PDE7B: variants seen among roughly 807,000 people sequenced by gnomAD.
PDE7B encodes 3',5'-cyclic-AMP phosphodiesterase 7B.
In PDE7B, 29 loss-of-function variants were observed where a neutral mutation model predicts 56.2. That is an observed-to-expected ratio of 0.52 (90% CI 0.38 to 0.70). The LOEUF (loss-of-function observed/expected upper bound fraction) is 0.70, where lower values mean the gene tolerates loss of function less well. Among genes scored for constraint, PDE7B ranks in the 30% least tolerant of loss-of-function variants. The pLI, the probability that PDE7B is intolerant of heterozygous loss-of-function variation, is 0.00. For missense variants in PDE7B, 490 were observed against 565.0 expected (o/e 0.87, Z 1.35); for synonymous variants, 197 against 196.9 (o/e 1.00, Z 0.00).
At chr6:136,175,473 G>A (rs1218894993) in intron 9 of PDE7B, among the ~76,000 whole-genome samples, 1 of 152,144 alleles carries the variant, frequency 6.6e-6, no homozygotes, top group Non-Finnish European at 1.5e-5. Flanking sequence ...ATATGAAAGA[G>A]AAAACTGAAA....
chr6:136,051,373 C>T (rs367769064), intron 2 of PDE7B, among the ~76,000 whole-genome samples: 7 of 152,312 alleles, frequency 4.6e-5, no homozygotes, highest in South Asian at 2.1e-4. Flanking sequence ...GATAAGCAAT[C>T]GCGAGCATCC....
chr6:136,086,228 A>G (rs756305715), intron 2 of PDE7B, among the ~76,000 whole-genome samples: 1 of 152,202 alleles, frequency 6.6e-6, no homozygotes, highest in African/African-American at 2.4e-5. Context: ...TCTAGTACTC[A>G]GTGTCATCCT....
chr6:136,082,935 C>G (rs545810274), intron 2 of PDE7B, among the ~76,000 whole-genome samples: 39 of 152,214 alleles, frequency 2.6e-4, no homozygotes, highest in Non-Finnish European at 4.7e-4. Flanking sequence ...CTCTTTTGAC[C>G]AGGAAAAGGA....
At chr6:135,972,417 T>C (rs1775110357) in intron 2 of PDE7B, among the ~76,000 whole-genome samples, 1 of 152,006 alleles carries the variant, frequency 6.6e-6, no homozygotes, top group East Asian at 1.9e-4. Context: ...ATTTTAATTA[T>C]AACCATACTT....
chr6:136,030,015 T>A (rs775156844), intron 2 of PDE7B, among the ~76,000 whole-genome samples: 3 of 152,348 alleles, frequency 2.0e-5, no homozygotes, highest in Non-Finnish European at 2.9e-5. Flanking sequence ...CCAGAAATAA[T>A]AAAACACTCT....
At chr6:136,142,180 A>G (rs573830004) in intron 3 of PDE7B, among the ~76,000 whole-genome samples, 1 of 152,306 alleles carries the variant, frequency 6.6e-6, no homozygotes, top group African/African-American at 2.4e-5. Flanking sequence ...GTTTCAAAGA[A>G]CATCTTTATT....
chr6:135,954,096 C>T (rs1442719352), intron 2 of PDE7B, among the ~76,000 whole-genome samples: 1 of 152,148 alleles, frequency 6.6e-6, no homozygotes, highest in Non-Finnish European at 1.5e-5. Context: ...CACCCAAGGC[C>T]CTGTCTTGTT....
chr6:135,885,920 C>A lies in PDE7B; in HGVS notation c.21+33901C>A, dbSNP rs182836815. On this transcript the variant is annotated intron_variant, in intron 1 of 12. Coordinates refer to ENST00000308191, the MANE Select transcript of PDE7B (RefSeq NM_018945.4). Reference sequence around the variant, plus strand: ...TCCTGTTAATTCACAGGCATGCAGGCACATTTTGATCATGTGTAAAAACTT... The same window carrying A: ...TCCTGTTAATTCACAGGCATGCAGGAACATTTTGATCATGTGTAAAAACTT... Among the ~76,000 whole-genome samples, 479 of 152,290 alleles carry A rather than the reference C, an allele frequency of 3.1e-3. 3 individuals are homozygous for A. Among genetic ancestry groups the A allele is most frequent in the South Asian group, 0.022 (106 of 4,826 alleles).
intron 2 of PDE7B, among the ~76,000 whole-genome samples, chr6:136,040,413 T>C (rs938313923): frequency 2.0e-5 from 3 of 152,188 alleles, no homozygotes; most frequent in Non-Finnish European, 2.9e-5. Context: ...ACCCCAAAGA[T>C]GAGTGGCTTC....
At chr6:135,962,055 G>T (rs1239141717) in intron 2 of PDE7B, among the ~76,000 whole-genome samples, 1 of 152,130 alleles carries the variant, frequency 6.6e-6, no homozygotes, top group Non-Finnish European at 1.5e-5. Flanking sequence ...TCTGATGGGG[G>T]AGGTTGACAA....
At chr6:136,058,191 T>C (rs145258149) in intron 2 of PDE7B, among the ~76,000 whole-genome samples, 83 of 152,288 alleles carry the variant, frequency 5.5e-4, no homozygotes, top group Middle Eastern at 3.4e-3. Flanking sequence ...TCAGGGGTTT[T>C]GTAAAGAGAT....
In PDE7B at chr6:135,851,810, G is replaced by C. The variant is rs1001158743; in HGVS notation, c.-189G>C. ...TCTCTTTCTACCTTCCTTCTTTCTC[G>C]ATCTCCTTGTGTGCTTTTGTGTTTC... On this transcript the variant is annotated 5_prime_UTR_variant, in exon 1 of 13. Coordinates refer to ENST00000308191, the MANE Select transcript of PDE7B (RefSeq NM_018945.4). The C allele has an allele frequency of 2.1e-5, 12 of 565,380 alleles. No homozygotes were observed. The highest frequency in any genetic ancestry group is 2.1e-4 in the African/African-American group (11 of 52,616). The allele number at this position is 565,380 out of a possible 1,614,324, so 35.0% of individuals were successfully genotyped here.
chr6:135,972,233 C>CAAAAAAAAAAAAA, intron 2 of PDE7B, among the ~76,000 whole-genome samples: 1 of 65,170 alleles, frequency 1.5e-5, no homozygotes, highest in Non-Finnish European at 2.7e-5. Flanking sequence ...AAACTGTTCT[C>CAAAAAAAAAAAAA]AAAAAAAAAA....
intron 1 of PDE7B, among the ~76,000 whole-genome samples, chr6:135,858,859 T>A (rs751898537): frequency 6.6e-6 from 1 of 152,206 alleles, no homozygotes; most frequent in African/African-American, 2.4e-5. Context: ...TAACTATACA[T>A]GCAAAATTAG....
At chr6:135,852,064 A>T (rs1349835793) in intron 1 of PDE7B, 45 bp downstream of exon 1, 1 of 1,369,530 alleles carries the variant, frequency 7.3e-7, no homozygotes, top group Non-Finnish European at 1.0e-6. Flanking sequence ...TTCTTGAGAG[A>T]ATAGAGTCAC....
At chr6:135,870,970 G>A (rs543304617) in intron 1 of PDE7B, among the ~76,000 whole-genome samples, 5 of 152,014 alleles carry the variant, frequency 3.3e-5, no homozygotes, top group Admixed American at 6.6e-5. Flanking sequence ...AGCCCTGCCC[G>A]AAGAGCTCAT....
intron 2 of PDE7B, among the ~76,000 whole-genome samples, chr6:135,948,302 T>G (rs1774626133): frequency 6.6e-6 from 1 of 151,996 alleles, no homozygotes. Flanking sequence ...AAGTAAACAG[T>G]AGCATGGATA....
chr6:135,913,462 C>T (rs1243270648), intron 1 of PDE7B, among the ~76,000 whole-genome samples: 1 of 152,076 alleles, frequency 6.6e-6, no homozygotes, highest in Non-Finnish European at 1.5e-5. Context: ...ATCCAGCGTC[C>T]ACTACTGCGG....
chr6:136,156,277 AT>A (rs1778603750), intron 8 of PDE7B, among the ~76,000 whole-genome samples: 1 of 151,554 alleles, frequency 6.6e-6, no homozygotes, highest in South Asian at 2.1e-4. Context: ...GCAGCCTGGA[AT>A]TCCTGAGCTC....
Sources: gnomAD v4.1 joint callset for allele counts (sites outside exome capture counted in the v4.1 genomes callset) on GRCh38, gnomAD v4.1.1 for gene constraint, MANE v1.5 for transcripts, NCBI Gene and HGNC (gene_info 2026-07-23, HGNC 2026-07-21) for gene names.